SSR2: variants seen among roughly 807,000 people sequenced by gnomAD.
SSR2 encodes signal sequence receptor subunit 2, also known as translocon-associated protein subunit beta.
SSR2 carries 16 observed loss-of-function variants against 22.6 expected under a neutral mutation model. The observed-to-expected ratio is 0.71, with a 90% confidence interval of 0.48 to 1.08. The LOEUF (loss-of-function observed/expected upper bound fraction) is 1.08, where lower values mean the gene tolerates loss of function less well. Ranked by LOEUF, SSR2 falls within the 50% of genes least tolerant of loss-of-function variation. The pLI is 0.00. For missense variants in SSR2, 171 were observed against 221.6 expected (o/e 0.77, Z 1.45); for synonymous variants, 83 against 91.2 (o/e 0.91, Z 0.51).
chr1:156,016,965 G>T (rs1683067881), intron 3 of SSR2, among the ~76,000 whole-genome samples: 1 of 152,160 alleles, frequency 6.6e-6, no homozygotes, highest in Admixed American at 6.5e-5. Flanking sequence ...GCAGAACCGT[G>T]AACAAATTAA....
chr1:156,012,113 C>T, intron 4 of SSR2: 1 of 444,924 alleles, frequency 2.2e-6, no homozygotes, highest in Non-Finnish European at 4.1e-6. Flanking sequence ...AGCCAGAAGA[C>T]CTGAGAAATA....
chr1:156,019,905 G>A (rs1042660562), intron 2 of SSR2, 108 bp downstream of exon 2: 6 of 1,244,134 alleles, frequency 4.8e-6, no homozygotes, highest in Non-Finnish European at 4.5e-6. Flanking sequence ...TCTGATGCTG[G>A]AAGTGTCCCA....
intron 2 of SSR2, chr1:156,019,249 T>C (rs1365330111): frequency 2.2e-6 from 1 of 454,212 alleles, no homozygotes; most frequent in Non-Finnish European, 4.4e-6. Context: ...TTGCCTCAAT[T>C]TTTCTTCATG....
intron 3 of SSR2, 56 bp from the exon 4 acceptor site, chr1:156,015,125 C>T: frequency 7.3e-7 from 1 of 1,373,164 alleles, no homozygotes; most frequent in Non-Finnish European, 1.0e-6. Flanking sequence ...AGCAGCCTTT[C>T]AACCTGTGGA....
At position 156,019,996 on chromosome 1, in the gene SSR2, C is replaced by A; in HGVS notation, c.155+17G>T. On this transcript the variant is annotated intron_variant, in intron 2 of 5. Transcript: ENST00000295702. ...CCAGAAATAGGCTTAATCTGTAACT[C>A]TAGGGCCTCGAGTTACCTTGAGCCA... is the stretch of plus-strand genomic sequence containing the variant. The A allele has an allele frequency of 6.2e-7, 1 of 1,609,824 alleles. No homozygotes were observed. The highest frequency in any genetic ancestry group is 8.5e-7 in the Non-Finnish European group (1 of 1,177,122).
At position 156,013,763 on chromosome 1, in the gene SSR2, G is replaced by A. The variant is rs1477483414; in HGVS notation, c.363+1198C>T. 4 of 153,420 alleles carry A rather than the reference G, an allele frequency of 2.6e-5. No individual in the cohort carries two copies. The South Asian group carries it at 6.2e-4, about 24-fold the overall frequency. The allele number at this position is 153,420 out of a possible 1,614,324, so 9.5% of individuals were successfully genotyped here. Reference sequence around the variant, plus strand: ...GGCAGAAAAGCTCAGCCCTGATGCCGTAAGCAGGAGCAATCTAAGCAAGGG... The same window carrying A: ...GGCAGAAAAGCTCAGCCCTGATGCCATAAGCAGGAGCAATCTAAGCAAGGG... On this transcript the variant is annotated intron_variant, in intron 4 of 5. Coordinates refer to ENST00000295702, the MANE Select transcript of SSR2 (RefSeq NM_003145.4).
At position 156,009,464 on chromosome 1, in the gene SSR2, G is replaced by A; in HGVS notation, c.*76C>T. 2 of 1,119,506 alleles carry A rather than the reference G, an allele frequency of 1.8e-6. No individual in the cohort carries two copies. The highest frequency in any genetic ancestry group is 3.5e-5 in the Admixed American group (2 of 57,376). 69.3% of individuals were successfully genotyped at this position (1,119,506 alleles called of 1,614,324 possible). A position where few individuals can be genotyped will look rare whatever the true frequency, so the allele number is the denominator to read the frequency against. ...AGAGATTGCATTTAAGATACCCTTT[G>A]GAGTCTGGAAAGCACCTGGATTTCT... On this transcript the variant is annotated 3_prime_UTR_variant, in exon 6 of 6. Coordinates refer to ENST00000295702, the MANE Select transcript of SSR2 (RefSeq NM_003145.4).
chr1:156,017,187 T>C (rs111745489), intron 3 of SSR2, among the ~76,000 whole-genome samples: 1 of 151,970 alleles, frequency 6.6e-6, no homozygotes, highest in Non-Finnish European at 1.5e-5. Flanking sequence ...GCTGGGACTA[T>C]AGGCATGTGC....
chr1:156,020,497 A>C, intron 1 of SSR2: 1 of 308,136 alleles, frequency 3.2e-6, no homozygotes, highest in African/African-American at 2.2e-5. Flanking sequence ...ATTTCGGCCG[A>C]TCTCGGACCT....
rs780950248 is a variant in SSR2 at position 156,014,966 on chromosome 1, C to T, written c.358G>A (p.Val120Ile). 1.2e-5 allele frequency: 19 copies of T among 1,613,270 alleles called. No individual in the cohort carries two copies. The highest frequency in any genetic ancestry group is 1.6e-4 in the Middle Eastern group (1 of 6,082). Residue 120 changes from valine to isoleucine, a missense_variant, in exon 4 of 6, where the codon GTT becomes ATT. Coordinates refer to ENST00000295702, the MANE Select transcript of SSR2 (RefSeq NM_003145.4). The part of the protein sequence containing the change: ...ITYLAQEDGP[V>I]VIGSTSAPGQ... ...TAAGGGTTTGGGCAACTCACCACAA[C>T]GGGCCCATCCTCCTGGGCCAGGTAA...
At chr1:156,018,907 C>T (rs570222047) in intron 2 of SSR2, among the ~76,000 whole-genome samples, 3 of 151,872 alleles carry the variant, frequency 2.0e-5, no homozygotes, top group South Asian at 4.2e-4. Flanking sequence ...TGGTGGTATG[C>T]GCCTGTAATC....
intron 2 of SSR2, chr1:156,019,361 T>G (rs1393942676): frequency 1.0e-5 from 3 of 297,708 alleles, no homozygotes; most frequent in Admixed American, 4.0e-5. Context: ...AAAAATGCTC[T>G]AGGCTAATGA....
chr1:156,015,958 C>G (rs1683048405), intron 3 of SSR2, among the ~76,000 whole-genome samples: 1 of 151,870 alleles, frequency 6.6e-6, no homozygotes, highest in South Asian at 2.1e-4. Flanking sequence ...CGAGACCAGC[C>G]TGGCCAACAT....
intron 3 of SSR2, among the ~76,000 whole-genome samples, chr1:156,016,457 C>T (rs181484646): frequency 2.4e-4 from 37 of 151,940 alleles, no homozygotes; most frequent in African/African-American, 8.7e-4. Context: ...AGGATGGTCT[C>T]GATCTCCTGA....
intron 3 of SSR2, among the ~76,000 whole-genome samples, chr1:156,015,388 T>C (rs1683036599): frequency 6.7e-6 from 1 of 150,228 alleles, no homozygotes; most frequent in African/African-American, 2.5e-5. Flanking sequence ...GCGCCTGCAG[T>C]CCCAGCTACT....
At position 156,020,079 on chromosome 1, in the gene SSR2, A is replaced by C; in HGVS notation, c.89T>G (p.Leu30Arg). 1 of 1,614,182 alleles carries C rather than the reference A, an allele frequency of 6.2e-7. No homozygotes were observed. The highest frequency in any genetic ancestry group is 8.5e-7 in the Non-Finnish European group (1 of 1,180,030). Reference protein sequence around the residue: ...GARLLASKSLLNRYAVEGRDL... With the variant: ...GARLLASKSLRNRYAVEGRDL... Reference sequence around the variant, plus strand: ...TCGTCCCTCCACGGCGTATCTGTTCAGCAGTGATTTGGAAGCCAAAAGCCT... The same window carrying C: ...TCGTCCCTCCACGGCGTATCTGTTCCGCAGTGATTTGGAAGCCAAAAGCCT... The change falls in exon 2 of 6, where the codon CTG (leucine) becomes CGG (arginine). Residue 30 changes from leucine to arginine, a missense_variant. Coordinates refer to ENST00000295702, the MANE Select transcript of SSR2 (RefSeq NM_003145.4).
chr1:156,012,526 A>G lies in SSR2; in HGVS notation c.364-639T>C, dbSNP rs1251478130. On this transcript the variant is annotated intron_variant, in intron 4 of 5. Coordinates refer to ENST00000295702, the MANE Select transcript of SSR2 (RefSeq NM_003145.4). ...CCTTTGATTTTATGTCTATTAACCC[A>G]TCAACTACCAGGTAGAACCAAAGAG... is the stretch of plus-strand genomic sequence containing the variant. 3 of 456,304 alleles carry G rather than the reference A, an allele frequency of 6.6e-6. No homozygotes were observed. The Admixed American group carries it at 7.0e-5, about 11-fold the overall frequency. 28.3% of individuals were successfully genotyped at this position (456,304 alleles called of 1,614,324 possible).
intron 1 of SSR2, chr1:156,020,529 T>C: frequency 3.3e-6 from 1 of 306,458 alleles, no homozygotes; most frequent in Admixed American, 4.5e-5. Flanking sequence ...TAGCTTTCCC[T>C]CACACAGGAG....
chr1:156,011,929 A>C, intron 4 of SSR2, 42 bp from the exon 5 acceptor site: 23 of 1,510,856 alleles, frequency 1.5e-5, no homozygotes, highest in South Asian at 2.3e-5. Flanking sequence ...AGTCCACCTC[A>C]TGAAGTTCCA....
Sources: gnomAD v4.1 joint callset for allele counts (sites outside exome capture counted in the v4.1 genomes callset) on GRCh38, gnomAD v4.1.1 for gene constraint, MANE v1.5 for transcripts, NCBI Gene and HGNC (gene_info 2026-07-23, HGNC 2026-07-21) for gene names.